Variants in NBAS observed in about 807,000 individuals in gnomAD.
NBAS encodes NBAS subunit of NRZ tethering complex.
In NBAS, 219 loss-of-function variants were observed where a neutral mutation model predicts 302.5. The observed-to-expected ratio is 0.72, with a 90% CI of 0.65 to 0.81. The LOEUF (loss-of-function observed/expected upper bound fraction) is 0.81, where lower values mean the gene tolerates loss of function less well. Ranked by LOEUF, NBAS falls within the 30% of genes least tolerant of loss-of-function variation. NBAS has a pLI of 0.00. For missense variants in NBAS, 2,932 were observed against 2,841.6 expected (o/e 1.03, Z -0.72); for synonymous variants, 1,118 against 1,021.6 (o/e 1.09, Z -1.80).
At chr2:15,424,591 T>C (rs918958796) in intron 22 of NBAS, 123 bp from the exon 23 acceptor site, 4 of 1,135,362 alleles carry the variant, frequency 3.5e-6, no homozygotes. Flanking sequence ...TACATGTATG[T>C]GGTTTGTGTA....
intron 9 of NBAS, among the ~76,000 whole-genome samples, chr2:15,530,744 AT>A (rs202070438): frequency 4.0e-5 from 6 of 148,284 alleles, no homozygotes; most frequent in Admixed American, 2.7e-4. Flanking sequence ...AGAAAAAAAA[AT>A]GAAGAGGAAA....
intron 44 of NBAS, among the ~76,000 whole-genome samples, chr2:15,270,891 G>A (rs1040810863): frequency 2.6e-5 from 4 of 152,036 alleles, no homozygotes; most frequent in Admixed American, 6.6e-5. Context: ...TCTGACATAT[G>A]GCATCAGAAA....
intron 41 of NBAS, among the ~76,000 whole-genome samples, chr2:15,292,315 C>T (rs746816619): frequency 3.9e-5 from 6 of 152,188 alleles, no homozygotes; most frequent in Non-Finnish European, 7.3e-5. Flanking sequence ...ATGATTTAAA[C>T]ATCATGGGAA....
chr2:15,062,439 C>A, the NBAS span, among the ~76,000 whole-genome samples: 1 of 152,184 alleles, frequency 6.6e-6, no homozygotes, highest in Non-Finnish European at 1.5e-5. Flanking sequence ...TCTAACCCAG[C>A]ATGATCCTTT....
At position 15,467,801 on chromosome 2, in the gene NBAS, A is replaced by G. The variant is rs1173941235; in HGVS notation, c.1881T>C (p.Phe627=). The change falls in exon 18 of 52, where the codon TTT becomes TTC. Residue 627 remains phenylalanine (F), a synonymous_variant. Transcript: ENST00000281513. ...AIGKGADDGR[F]TLPGEIDIDS... is the part of the protein sequence containing the mutation. ...CAATGTCTATTTCACCAGGTAATGT[A>G]AATCTGCAAGTATAAAAGAACAAAT... 1.3e-6 allele frequency: 2 copies of G among 1,585,924 alleles called. No homozygotes were observed. Among genetic ancestry groups the G allele is most frequent in the Non-Finnish European group, 1.7e-6 (2 of 1,155,720 alleles).
chr2:14,879,686 A>G, the NBAS span, among the ~76,000 whole-genome samples: 1 of 152,214 alleles, frequency 6.6e-6, no homozygotes, highest in African/African-American at 2.4e-5. Flanking sequence ...AACACAGCTT[A>G]TAGCATGCCT....
chr2:15,501,360 A>G (rs1315777430), intron 11 of NBAS, among the ~76,000 whole-genome samples: 1 of 152,172 alleles, frequency 6.6e-6, no homozygotes, highest in Non-Finnish European at 1.5e-5. Flanking sequence ...GGTATAATAA[A>G]CCACAATTCA....
chr2:15,204,419 A>T (rs1315301084), intron 48 of NBAS, among the ~76,000 whole-genome samples: 1 of 152,194 alleles, frequency 6.6e-6, no homozygotes, highest in Non-Finnish European at 1.5e-5. Context: ...ATGGATAATG[A>T]ACCTAAGTTT....
intron 47 of NBAS, among the ~76,000 whole-genome samples, chr2:15,221,383 AG>A (rs1666941376): frequency 6.6e-6 from 1 of 152,228 alleles, no homozygotes; most frequent in Admixed American, 6.5e-5. Flanking sequence ...TGTGGTACAG[AG>A]GAAGTACTTA....
chr2:15,162,246 T>G (rs1365282101), downstream of NBAS, among the ~76,000 whole-genome samples: 1 of 152,182 alleles, frequency 6.6e-6, no homozygotes, highest in Non-Finnish European at 1.5e-5. Context: ...TCTGCCGGCC[T>G]AAGATTGACC....
chr2:14,949,435 T>C, the NBAS span, among the ~76,000 whole-genome samples: 2 of 152,066 alleles, frequency 1.3e-5, no homozygotes, highest in African/African-American at 2.4e-5. Context: ...AAGATCTCAA[T>C]AGATATTTCT....
the NBAS span, among the ~76,000 whole-genome samples, chr2:14,839,023 T>C: frequency 6.6e-6 from 1 of 151,816 alleles, no homozygotes; most frequent in Non-Finnish European, 1.5e-5. Context: ...AGAGGTAGGC[T>C]AAAGGGCACA....
At chr2:15,403,864 C>CGTGTGTGTGTGTGTGTGT (rs10624311) in intron 25 of NBAS, among the ~76,000 whole-genome samples, 3 of 135,412 alleles carry the variant, frequency 2.2e-5, no homozygotes, top group Non-Finnish European at 4.6e-5. Context: ...TTCCTTCCTT[C>CGTGTGTGTGTGTGTGTGT]GTGTGTGTGT....
intron 19 of NBAS, among the ~76,000 whole-genome samples, chr2:15,466,425 T>C (rs1024531666): frequency 3.9e-5 from 6 of 152,140 alleles, no homozygotes; most frequent in Non-Finnish European, 7.3e-5. Flanking sequence ...CAACCTAACC[T>C]ACGTATTACT....
At chr2:15,559,832 T>G (rs1664829151) in intron 1 of NBAS, among the ~76,000 whole-genome samples, 2 of 152,230 alleles carry the variant, frequency 1.3e-5, no homozygotes, top group South Asian at 4.1e-4. Flanking sequence ...GAAACATTAC[T>G]GCAATTAACC....
At chr2:15,521,831 C>T (rs898963732) in intron 9 of NBAS, among the ~76,000 whole-genome samples, 2 of 152,140 alleles carry the variant, frequency 1.3e-5, no homozygotes, top group African/African-American at 4.8e-5. Flanking sequence ...GTAAATAAAG[C>T]TTTATGGAAC....
At position 15,489,036 on chromosome 2, in the gene NBAS, A is replaced by T; in HGVS notation, c.955-14T>A. On this transcript the variant is annotated splice_polypyrimidine_tract_variant and intron_variant, in intron 11 of 51. Coordinates refer to ENST00000281513, the MANE Select transcript of NBAS (RefSeq NM_015909.4). ...AAAAATTCCATCCTAAATAAGAATC[A>T]TAAGGTCAGGGCAAAGGACTTATGG... 6.2e-7 allele frequency: 1 copy of T among 1,612,752 alleles called. No homozygotes were observed.
chr2:15,219,911 G>C (rs1234350269), intron 47 of NBAS, among the ~76,000 whole-genome samples: 1 of 148,020 alleles, frequency 6.8e-6, no homozygotes, highest in Non-Finnish European at 1.5e-5. Flanking sequence ...CCGGGCAGAA[G>C]CGCCCCTCAC....
chr2:15,077,830 C>T, the NBAS span, among the ~76,000 whole-genome samples: 2,186 of 151,954 alleles, frequency 0.014, 19 homozygotes, highest in Non-Finnish European at 0.022. Context: ...GTTATAGGCA[C>T]GCACCACCAC....
Sources: gnomAD v4.1 joint callset for allele counts (sites outside exome capture counted in the v4.1 genomes callset) on GRCh38, gnomAD v4.1.1 for gene constraint, MANE v1.5 for transcripts, NCBI Gene and HGNC (gene_info 2026-07-23, HGNC 2026-07-21) for gene names.